The following GADL1 variants were observed in gnomAD, a reference collection of about 807,000 sequenced individuals.
The protein encoded by GADL1 is GAD like acidic amino acid decarboxylase 1.
A neutral mutation model predicts 69.5 loss-of-function variants in GADL1; 71 were observed. The observed-to-expected ratio is 1.02, with a 90% confidence interval of 0.84 to 1.25. The LOEUF is 1.25. Ranked by LOEUF, GADL1 falls within the 50% of genes most tolerant of loss-of-function variation. GADL1 has a pLI of 0.00. For missense variants in GADL1, 737 were observed against 631.8 expected (o/e 1.17, Z -1.79); for synonymous variants, 254 against 214.4 (o/e 1.18, Z -1.62).
intron 14 of GADL1, among the ~76,000 whole-genome samples, chr3:30,765,473 C>T (rs200393861): frequency 0.033 from 1,682 of 50,908 alleles, 29 homozygotes; most frequent in African/African-American, 0.11. Flanking sequence ...AAATTATTTT[C>T]TATGCATCTA....
chr3:30,833,049 TA>T (rs1463069368), intron 11 of GADL1, among the ~76,000 whole-genome samples: 1 of 151,996 alleles, frequency 6.6e-6, no homozygotes, highest in East Asian at 1.9e-4. Flanking sequence ...TAAAATTCCT[TA>T]AAAACAGAAA....
chr3:30,781,350 G>A (rs966628823), intron 13 of GADL1, among the ~76,000 whole-genome samples: 3 of 152,158 alleles, frequency 2.0e-5, no homozygotes, highest in South Asian at 2.1e-4. Context: ...AGCAGCTCAC[G>A]TTCTCTAAAA....
intron 6 of GADL1, among the ~76,000 whole-genome samples, chr3:30,848,659 G>A (rs1335905403): frequency 1.3e-5 from 2 of 152,086 alleles, no homozygotes; most frequent in Non-Finnish European, 2.9e-5. Flanking sequence ...GAATAGGAAA[G>A]GGAAAAAATC....
chr3:30,844,273 C>T lies in GADL1; in HGVS notation c.732-9G>A. 6.2e-7 allele frequency: 1 copy of T among 1,610,102 alleles called. No individual in the cohort carries two copies. ...CAGGTATCATTTTACCTCTAAGGGA[C>T]AAAGATTTGAGACTTTCAGTTATGT... On this transcript the variant is annotated splice_polypyrimidine_tract_variant and intron_variant, in intron 7 of 14. Coordinates refer to ENST00000282538, the MANE Select transcript of GADL1 (RefSeq NM_207359.3).
intron 12 of GADL1, among the ~76,000 whole-genome samples, chr3:30,789,416 G>A (rs1380419119): frequency 6.6e-6 from 1 of 152,158 alleles, no homozygotes; most frequent in East Asian, 1.9e-4. Context: ...TTAGAGTACA[G>A]GCAGAGTAAG....
At chr3:30,762,949 G>A (rs1696177451) in intron 14 of GADL1, among the ~76,000 whole-genome samples, 1 of 152,160 alleles carries the variant, frequency 6.6e-6, no homozygotes, top group African/African-American at 2.4e-5. Flanking sequence ...ATTCCATTGT[G>A]TATATGTACC....
At chr3:30,740,992 T>A (rs1008016410) in intron 14 of GADL1, among the ~76,000 whole-genome samples, 43 of 104,236 alleles carry the variant, frequency 4.1e-4, no homozygotes, top group Admixed American at 1.6e-3. Flanking sequence ...TATTATATAT[T>A]ATATATTAAT....
At chr3:30,796,658 C>T (rs1697038981) in intron 12 of GADL1, among the ~76,000 whole-genome samples, 2 of 152,146 alleles carry the variant, frequency 1.3e-5, no homozygotes, top group Admixed American at 1.3e-4. Context: ...AGGAATAAAC[C>T]CAACCTGAAG....
chr3:30,886,577 G>A (rs904567281), intron 1 of GADL1, among the ~76,000 whole-genome samples: 8 of 152,084 alleles, frequency 5.3e-5, no homozygotes, highest in African/African-American at 1.9e-4. Flanking sequence ...TGAAGGAGGG[G>A]ACTCTGACCT....
chr3:30,849,467 G>A (rs929874535), intron 6 of GADL1, among the ~76,000 whole-genome samples: 3 of 152,164 alleles, frequency 2.0e-5, no homozygotes, highest in Non-Finnish European at 2.9e-5. Context: ...AAGCCTATGC[G>A]CTTATCTACT....
chr3:30,830,772 G>T (rs1472566772), intron 11 of GADL1, among the ~76,000 whole-genome samples: 1 of 151,834 alleles, frequency 6.6e-6, no homozygotes, highest in Non-Finnish European at 1.5e-5. Context: ...CTTCCTATGT[G>T]ACTTCCTCAC....
At chr3:30,877,649 A>G (rs1444727229) in intron 1 of GADL1, among the ~76,000 whole-genome samples, 3 of 151,900 alleles carry the variant, frequency 2.0e-5, no homozygotes, top group Non-Finnish European at 4.4e-5. Flanking sequence ...TTGATTTTGT[A>G]AGTCAACACA....
intron 2 of GADL1, among the ~76,000 whole-genome samples, chr3:30,859,908 C>T (rs570709056): frequency 4.4e-4 from 67 of 152,008 alleles, no homozygotes; most frequent in African/African-American, 1.5e-3. Context: ...ACTTGTGGTT[C>T]CTTAATTGAC....
intron 11 of GADL1, among the ~76,000 whole-genome samples, chr3:30,811,494 C>T (rs895344036): frequency 4.6e-5 from 7 of 152,112 alleles, no homozygotes; most frequent in African/African-American, 1.7e-4. Flanking sequence ...AATCCACACA[C>T]CTTCTCTATT....
chr3:30,882,210 G>A (rs1460488523), intron 1 of GADL1, among the ~76,000 whole-genome samples: 1 of 151,636 alleles, frequency 6.6e-6, no homozygotes. Flanking sequence ...TAAGTGTACA[G>A]CTCAGTAGTG....
chr3:30,746,348 C>G (rs182507427), intron 14 of GADL1, among the ~76,000 whole-genome samples: 2 of 152,130 alleles, frequency 1.3e-5, no homozygotes, highest in Non-Finnish European at 2.9e-5. Flanking sequence ...TCACTGCAGA[C>G]CTACTGAGCC....
chr3:30,810,929 TTACG>T (rs1697340448), intron 11 of GADL1, among the ~76,000 whole-genome samples: 2 of 152,228 alleles, frequency 1.3e-5, no homozygotes, highest in South Asian at 2.1e-4. Flanking sequence ...TGATAGTGGT[TTACG>T]CATTACCAGC....
intron 13 of GADL1, among the ~76,000 whole-genome samples, chr3:30,783,963 G>A (rs1293046450): frequency 6.6e-6 from 1 of 152,082 alleles, no homozygotes; most frequent in Non-Finnish European, 1.5e-5. Context: ...GTTTCAAGGT[G>A]TATAGGACTT....
chr3:30,833,483 C>T (rs575731640), intron 11 of GADL1, among the ~76,000 whole-genome samples: 4 of 151,920 alleles, frequency 2.6e-5, no homozygotes, highest in African/African-American at 7.2e-5. Context: ...ACATCTGTTC[C>T]ACTTTCTCAG....
Sources: gnomAD v4.1 joint callset for allele counts (sites outside exome capture counted in the v4.1 genomes callset) on GRCh38, gnomAD v4.1.1 for gene constraint, MANE v1.5 for transcripts, NCBI Gene and HGNC (gene_info 2026-07-23, HGNC 2026-07-21) for gene names.